The following POLN variants were observed in gnomAD, a reference collection of about 807,000 sequenced individuals.
The protein encoded by POLN is DNA polymerase N.
In POLN, 108 loss-of-function variants were observed where a neutral mutation model predicts 113.5. That is an observed-to-expected ratio of 0.95 (90% confidence interval 0.81 to 1.12). The LOEUF is 1.12. POLN is among the 50% of genes most tolerant of loss of function. The pLI is 0.00. For synonymous variants in POLN, 386 were observed against 391.5 expected, an observed-to-expected ratio of 0.99 and a Z score of 0.17; for missense variants, 1,097 against 1,077.1, an observed-to-expected ratio of 1.02 and a Z score of -0.26.
At chr4:2,081,946 ACTTT>A (rs1730432161) in intron 21 of POLN, among the ~76,000 whole-genome samples, 1 of 121,326 alleles carries the variant, frequency 8.2e-6, no homozygotes, top group Admixed American at 7.9e-5. Flanking sequence ...GGCACTCTGC[ACTTT>A]TTTTTTTTTT....
chr4:2,081,021 A>G lies in POLN; in HGVS notation c.2324T>C (p.Leu775Pro), dbSNP rs776340050. The G allele has an allele frequency of 1.2e-6, 2 of 1,613,686 alleles. No individual in the cohort carries two copies. Among genetic ancestry groups the G allele is most frequent in the Non-Finnish European group, 1.7e-6 (2 of 1,179,986 alleles). Residue 775 changes from leucine (L) to proline (P), a missense_variant, in exon 23 of 26, where the codon CTC becomes CCC. Physicochemically the swap from Leu to Pro is moderately conservative, Grantham distance 98. Transcript: ENST00000511885. Reference sequence around the variant, plus strand: ...GACATGGATCATGGCCAGCTTGCAGAGGTCAGCAGCGGAGCCTATGGGGCG... The same window carrying G: ...GACATGGATCATGGCCAGCTTGCAGGGGTCAGCAGCGGAGCCTATGGGGCG... ...NFVVQGSAADLCKLAMIHVFT... is the reference protein window; with the variant it reads ...NFVVQGSAADPCKLAMIHVFT...
intron 2 of POLN, chr4:2,240,218 T>TAAA: frequency 6.2e-7 from 1 of 1,613,868 alleles, no homozygotes; most frequent in Non-Finnish European, 8.5e-7. Flanking sequence ...ATGGTGTCTG[T>TAAA]ATATCTAAAA....
At chr4:2,157,028 G>A (rs1732452119) in intron 15 of POLN, among the ~76,000 whole-genome samples, 175 bp from the exon 16 acceptor site, 1 of 152,180 alleles carries the variant, frequency 6.6e-6, no homozygotes. Flanking sequence ...CTCCTGACAC[G>A]TGATCAGGGA....
chr4:2,209,994 A>G (rs1034813207), intron 4 of POLN, among the ~76,000 whole-genome samples: 3 of 143,120 alleles, frequency 2.1e-5, no homozygotes, highest in African/African-American at 8.1e-5. Flanking sequence ...TTATATATAT[A>G]TATAAATTTA....
intron 5 of POLN, among the ~76,000 whole-genome samples, chr4:2,201,978 G>C (rs948198382): frequency 6.6e-6 from 1 of 152,146 alleles, no homozygotes; most frequent in Non-Finnish European, 1.5e-5. Context: ...AATGCTGAGA[G>C]AAATAGCCAC....
chr4:2,201,277 C>CAAAAAAAAA lies in POLN; in HGVS notation c.715-2569_715-2561dup, dbSNP rs35399602. Among the ~76,000 whole-genome samples, 81 of 15,832 alleles carry CAAAAAAAAA rather than the reference C, an allele frequency of 5.1e-3. 31 individuals are homozygous for CAAAAAAAAA. The highest frequency in any genetic ancestry group is 0.031 in the African/African-American group (64 of 2,076). 10.4% of individuals were successfully genotyped at this position (15,832 alleles called of 152,430 possible). Reference sequence around the variant, plus strand: ...GTGAGACTCTGTCCCCCTACCACTCCAAAAAAAAAAAAAAAAAAAAAAAAA... The same window carrying CAAAAAAAAA: ...GTGAGACTCTGTCCCCCTACCACTCCAAAAAAAAAAAAAAAAAAAAAAAAAAAAAAAAAA... On this transcript the variant is annotated intron_variant, in intron 5 of 25. Transcript: ENST00000511885.
chr4:2,193,666 C>G (rs1018095552), intron 6 of POLN, among the ~76,000 whole-genome samples: 1 of 152,182 alleles, frequency 6.6e-6, no homozygotes, highest in Non-Finnish European at 1.5e-5. Context: ...TCTCCCAGAG[C>G]TCCCCTCAAA....
In POLN at chr4:2,240,638, CTCT is replaced by C. The variant is rs747550373; in HGVS notation, c.-13+879_-13+881del. 3.7e-6 allele frequency: 6 copies of C among 1,613,686 alleles called. No homozygotes were observed. The Admixed American group carries it at 1.0e-4, about 27-fold the overall frequency. ...ATTTCAGTAGAGTTTGAACCTCATC[CTCT>C]AATTTCTCCAGCTCTTTATCATCCA... On this transcript the variant is annotated intron_variant, in intron 2 of 25. Transcript: ENST00000511885.
intron 19 of POLN, among the ~76,000 whole-genome samples, chr4:2,124,136 G>C (rs1410174710): frequency 6.6e-6 from 1 of 152,186 alleles, no homozygotes; most frequent in African/African-American, 2.4e-5. Context: ...GAAGTGTCCA[G>C]AATAGGTAAA....
chr4:2,136,567 C>G (rs1476934313), intron 16 of POLN, among the ~76,000 whole-genome samples: 1 of 152,218 alleles, frequency 6.6e-6, no homozygotes, highest in Non-Finnish European at 1.5e-5. Flanking sequence ...ATTTAACATT[C>G]AGTGAAAGGC....
chr4:2,080,989 C>A lies in POLN; in HGVS notation c.2356G>T (p.Ala786Ser). 6.2e-7 allele frequency: 1 copy of A among 1,613,888 alleles called. No homozygotes were observed. Among genetic ancestry groups the A allele is most frequent in the Non-Finnish European group, 8.5e-7 (1 of 1,179,976 alleles). Residue 786 changes from alanine to serine, a missense_variant, in exon 23 of 26, where the codon GCA becomes TCA. By Grantham distance (99) the Ala-to-Ser change is moderately conservative. Transcript: ENST00000511885. ...CKLAMIHVFT[A>S]VAASHTLTAR... ...GTCAAGGTGTGGGAAGCAGCCACTG[C>A]AGTGAAGACATGGATCATGGCCAGC...
At chr4:2,163,436 A>AG in intron 13 of POLN, among the ~76,000 whole-genome samples, 1 of 152,362 alleles carries the variant, frequency 6.6e-6, no homozygotes, top group South Asian at 2.1e-4. Flanking sequence ...CCGTGTACAG[A>AG]GCACTGAGTG....
intron 5 of POLN, among the ~76,000 whole-genome samples, chr4:2,201,041 GC>G (rs1733697024): frequency 6.6e-6 from 1 of 152,060 alleles, no homozygotes; most frequent in African/African-American, 2.4e-5. Context: ...GCCAAGGCAG[GC>G]AGATCATGAG....
At chr4:2,231,940 C>CT (rs1339777807) in intron 2 of POLN, 7 of 1,350,468 alleles carry the variant, frequency 5.2e-6, no homozygotes, top group Non-Finnish European at 7.3e-6. Flanking sequence ...ATCTTCAAGA[C>CT]TAACAGCCTT....
intron 2 of POLN, among the ~76,000 whole-genome samples, chr4:2,232,675 ATG>A (rs963927737): frequency 4.3e-5 from 6 of 140,770 alleles, no homozygotes; most frequent in African/African-American, 1.9e-4. Flanking sequence ...AGAATTACAC[ATG>A]ACATTCCACG....
chr4:2,145,339 C>T (rs1732109669), intron 16 of POLN, among the ~76,000 whole-genome samples: 1 of 151,910 alleles, frequency 6.6e-6, no homozygotes, highest in South Asian at 2.1e-4. Flanking sequence ...ATCTGTAAAT[C>T]AAAGACATAG....
chr4:2,072,966 A>G lies in POLN; in HGVS notation c.2517+2T>C, dbSNP rs1410068721. On this transcript the variant is annotated splice_donor_variant, in intron 25 of 25. Transcript: ENST00000511885. LOFTEE classifies it high-confidence loss of function. ...ACCGGGCAGGCTTAAGTGTCCCCTC[A>G]CCTGAAGCTGCAGCTCCAATGCCTG... The G allele has an allele frequency of 1.2e-6, 2 of 1,612,824 alleles. No individual in the cohort carries two copies. The highest frequency in any genetic ancestry group is 2.2e-5 in the East Asian group (1 of 44,816).
chr4:2,174,116 TGCAACTGCCATTTACTCA>T, intron 10 of POLN, 97 bp from the exon 11 acceptor site: 1 of 1,139,374 alleles, frequency 8.8e-7, no homozygotes, highest in South Asian at 1.2e-5. Flanking sequence ...CAATAATGAC[TGCAACTGCCATTTACTCA>T]GCACCTGCTG....
intron 16 of POLN, among the ~76,000 whole-genome samples, chr4:2,146,901 C>T (rs1011345364): frequency 1.3e-5 from 2 of 152,004 alleles, no homozygotes; most frequent in African/African-American, 4.8e-5. Flanking sequence ...TGGCTCCATC[C>T]CAGCTAGATA....
Sources: gnomAD v4.1 joint callset for allele counts (sites outside exome capture counted in the v4.1 genomes callset) on GRCh38, gnomAD v4.1.1 for gene constraint, MANE v1.5 for transcripts, NCBI Gene and HGNC (gene_info 2026-07-23, HGNC 2026-07-21) for gene names.